The following ROBO2 variants were observed in gnomAD, a reference collection of about 807,000 sequenced individuals.
The protein encoded by ROBO2 is roundabout homolog 2.
Under a neutral mutation model 160.8 loss-of-function variants are expected in ROBO2, and 53 were observed. The ratio of observed to expected loss-of-function variants is 0.33; its 90% CI spans 0.26 to 0.41. ROBO2 has a LOEUF of 0.41. ROBO2 is among the 10% of genes least tolerant of loss of function. The pLI is 1.00. For synonymous variants in ROBO2, 664 were observed against 611.7 expected (o/e 1.09, Z -1.26); for missense variants, 1,577 against 1,722.4 (o/e 0.92, Z 1.49).
chr3:76,427,234 C>T (rs2076256060), intron 2 of ROBO2, among the ~76,000 whole-genome samples: 1 of 151,168 alleles, frequency 6.6e-6, no homozygotes, highest in African/African-American at 2.4e-5. Context: ...ATTATGCATT[C>T]TGGTGAACAG....
At chr3:76,305,404 A>G (rs2071289208) in intron 2 of ROBO2, among the ~76,000 whole-genome samples, 1 of 146,134 alleles carries the variant, frequency 6.8e-6, no homozygotes. Flanking sequence ...AAAAAAAAAA[A>G]AAAAAAAAAA....
intron 2 of ROBO2, among the ~76,000 whole-genome samples, chr3:76,755,890 G>T (rs1311039810): frequency 1.3e-5 from 2 of 151,716 alleles, no homozygotes; most frequent in Admixed American, 1.3e-4. Flanking sequence ...TCCAACCATT[G>T]TATCCCTTCC....
chr3:77,304,433 C>T (rs1285594006), intron 2 of ROBO2, among the ~76,000 whole-genome samples: 2 of 152,074 alleles, frequency 1.3e-5, no homozygotes, highest in African/African-American at 4.8e-5. Context: ...TCTTGGGGCC[C>T]AGTCGGCCAC....
intron 2 of ROBO2, among the ~76,000 whole-genome samples, chr3:76,956,621 T>TC (rs1223687570): frequency 6.6e-6 from 1 of 151,674 alleles, no homozygotes; most frequent in Non-Finnish European, 1.5e-5. Flanking sequence ...ATTGGTATTT[T>TC]CCCCAAGGAA....
At chr3:76,735,224 G>A (rs1486740177) in intron 2 of ROBO2, among the ~76,000 whole-genome samples, 2 of 152,140 alleles carry the variant, frequency 1.3e-5, no homozygotes, top group Non-Finnish European at 2.9e-5. Flanking sequence ...AAAAGAATAT[G>A]GTACATGTGC....
At chr3:75,931,137 C>A (rs987498965) in intron 1 of ROBO2, among the ~76,000 whole-genome samples, 6 of 152,172 alleles carry the variant, frequency 3.9e-5, no homozygotes, top group Admixed American at 3.3e-4. Context: ...CAGATTCCTA[C>A]TTTTCAGTTT....
intron 2 of ROBO2, among the ~76,000 whole-genome samples, chr3:76,489,322 A>G (rs557354065): frequency 1.3e-5 from 2 of 152,150 alleles, no homozygotes; most frequent in African/African-American, 4.8e-5. Context: ...TATCAGGATA[A>G]ATGGAAGCCA....
intron 2 of ROBO2, among the ~76,000 whole-genome samples, chr3:77,372,678 C>G (rs2071950898): frequency 6.6e-6 from 1 of 151,992 alleles, no homozygotes. Flanking sequence ...TGGAAGTATA[C>G]AATTCTTTCT....
chr3:76,521,192 G>T (rs2081597399), intron 2 of ROBO2, among the ~76,000 whole-genome samples: 1 of 151,958 alleles, frequency 6.6e-6, no homozygotes, highest in Non-Finnish European at 1.5e-5. Flanking sequence ...GGGACTACAG[G>T]CATGCGTCAC....
intron 2 of ROBO2, among the ~76,000 whole-genome samples, chr3:76,105,236 C>T (rs912740756): frequency 6.6e-6 from 1 of 151,432 alleles, no homozygotes; most frequent in Non-Finnish European, 1.5e-5. Context: ...GGATATAAAT[C>T]CCCCTATCAC....
intron 2 of ROBO2, among the ~76,000 whole-genome samples, chr3:77,195,871 G>T (rs1224319974): frequency 6.6e-5 from 10 of 152,128 alleles, no homozygotes; most frequent in Admixed American, 6.5e-4. Flanking sequence ...TCTCTTTAAG[G>T]CTAGGCAAGT....
intron 2 of ROBO2, among the ~76,000 whole-genome samples, chr3:76,907,995 G>A (rs541543300): frequency 5.3e-5 from 8 of 152,060 alleles, no homozygotes; most frequent in South Asian, 4.2e-4. Flanking sequence ...GCCCACCACC[G>A]TGCCTGGCTA....
chr3:76,603,326 CATCTCCAAA>C (rs1242173208), intron 2 of ROBO2, among the ~76,000 whole-genome samples: 1 of 81,776 alleles, frequency 1.2e-5, no homozygotes, highest in Admixed American at 1.4e-4. Context: ...AGCGAGACTC[CATCTCCAAA>C]AAAAAAAAAA....
chr3:75,965,367 G>A (rs563787951), intron 2 of ROBO2, among the ~76,000 whole-genome samples: 21 of 16,652 alleles, frequency 1.3e-3, no homozygotes, highest in South Asian at 4.8e-3. Context: ...GTTTCTTTAC[G>A]AATGGATGTA....
At chr3:76,132,405 G>C (rs868393724) in intron 2 of ROBO2, among the ~76,000 whole-genome samples, 1,378 of 126,838 alleles carry the variant, frequency 0.011, 94 homozygotes, top group African/African-American at 0.038. Flanking sequence ...GGGGGGGGGG[G>C]GGGACGCAGA....
intron 2 of ROBO2, among the ~76,000 whole-genome samples, chr3:76,392,880 C>T (rs1576891193): frequency 6.6e-6 from 1 of 152,028 alleles, no homozygotes; most frequent in East Asian, 1.9e-4. Context: ...TAGTGTAATC[C>T]CACCACTGCT....
intron 2 of ROBO2, among the ~76,000 whole-genome samples, chr3:77,339,984 C>A (rs2066894259): frequency 6.6e-6 from 1 of 152,072 alleles, no homozygotes; most frequent in Non-Finnish European, 1.5e-5. Flanking sequence ...TGCAAGCTTT[C>A]CATAAACATA....
At chr3:76,967,511 CTTTTTTTTTTT>C (rs59372235) in intron 2 of ROBO2, among the ~76,000 whole-genome samples, 14 of 55,388 alleles carry the variant, frequency 2.5e-4, no homozygotes, top group African/African-American at 7.8e-4. Context: ...CTGGCCAGCT[CTTTTTTTTTTT>C]TTTTTTTTTT....
At chr3:76,903,452 C>G (rs2075371506) in intron 2 of ROBO2, among the ~76,000 whole-genome samples, 1 of 152,048 alleles carries the variant, frequency 6.6e-6, no homozygotes, top group South Asian at 2.1e-4. Flanking sequence ...GTCAATTGTA[C>G]AGGTTTGTTT....
Sources: allele counts gnomAD v4.1 joint callset (sites outside exome capture counted in the v4.1 genomes callset), GRCh38; gene constraint gnomAD v4.1.1; transcripts MANE v1.5; gene names NCBI Gene and HGNC (gene_info 2026-07-23, HGNC 2026-07-21).